The following RPS6KA6 variants were observed in gnomAD, a reference collection of about 807,000 sequenced individuals.
RPS6KA6 encodes ribosomal protein S6 kinase A6, also known as ribosomal protein S6 kinase alpha-6.
Under a neutral mutation model 65.4 loss-of-function variants are expected in RPS6KA6, and 27 were observed. The ratio of observed to expected loss-of-function variants is 0.41; its 90% CI spans 0.30 to 0.57. RPS6KA6 has a LOEUF of 0.57. Ranked by LOEUF, RPS6KA6 falls within the 20% of genes least tolerant of loss-of-function variation. RPS6KA6 has a pLI of 0.24. For synonymous variants in RPS6KA6, 190 were observed against 184.2 expected, an observed-to-expected ratio of 1.03 and a Z score of -0.26; for missense variants, 486 against 555.6, an observed-to-expected ratio of 0.87 and a Z score of 1.26.
intron 20 of RPS6KA6, among the ~76,000 whole-genome samples, chrX:84,072,334 A>G (rs2033562329): frequency 1.8e-5 from 2 of 112,201 alleles, no homozygotes; most frequent in South Asian, 7.3e-4. Context: ...CAGAAAAAGC[A>G]TTTGATAAAA....
At chrX:84,182,092 C>A (rs1451643325) in intron 1 of RPS6KA6, among the ~76,000 whole-genome samples, 2 of 106,548 alleles carry the variant, frequency 1.9e-5, no homozygotes, top group African/African-American at 3.4e-5. Flanking sequence ...CACACACACA[C>A]GTGCACACAA....
At chrX:84,172,544 A>G (rs748230516) in intron 1 of RPS6KA6, among the ~76,000 whole-genome samples, 1 of 112,293 alleles carries the variant, frequency 8.9e-6, no homozygotes, top group Non-Finnish European at 1.9e-5. Flanking sequence ...AGCTGCTATA[A>G]AAAGCAGTAT....
chrX:84,075,093 C>T (rs1004138885), intron 20 of RPS6KA6, among the ~76,000 whole-genome samples: 6 of 110,653 alleles, frequency 5.4e-5, no homozygotes, highest in African/African-American at 2.0e-4. Flanking sequence ...ATTAGCTGGG[C>T]GTGGTGGTGC....
intron 2 of RPS6KA6, among the ~76,000 whole-genome samples, chrX:84,158,250 T>C (rs1307953868): frequency 9.0e-6 from 1 of 111,126 alleles, no homozygotes; most frequent in African/African-American, 3.3e-5. Flanking sequence ...ATAGGGCAAC[T>C]GTGAGATGAT....
chrX:84,066,605 C>T (rs1045159889), intron 20 of RPS6KA6, among the ~76,000 whole-genome samples: 5 of 111,038 alleles, frequency 4.5e-5, no homozygotes, highest in African/African-American at 1.6e-4. Flanking sequence ...AAGGCAGCAG[C>T]CCCAGTCAGG....
intron 3 of RPS6KA6, among the ~76,000 whole-genome samples, chrX:84,149,205 T>C (rs761583774): frequency 4.5e-5 from 5 of 112,072 alleles, no homozygotes; most frequent in African/African-American, 1.6e-4. Flanking sequence ...CCACTTCTAA[T>C]TGTCTTGCTA....
chrX:84,064,733 C>G (rs1156315239), intron 21 of RPS6KA6, among the ~76,000 whole-genome samples: 1 of 111,648 alleles, frequency 9.0e-6, no homozygotes, highest in African/African-American at 3.3e-5. Flanking sequence ...TTAGCCCAAT[C>G]CTAATTCCAG....
intron 1 of RPS6KA6, among the ~76,000 whole-genome samples, chrX:84,179,241 T>C (rs780732144): frequency 2.7e-5 from 3 of 110,743 alleles, no homozygotes; most frequent in East Asian, 2.8e-4. Context: ...AGAATAGCTA[T>C]TTTTTTTCAC....
intron 4 of RPS6KA6, among the ~76,000 whole-genome samples, chrX:84,147,431 C>T (rs911465216): frequency 9.0e-5 from 10 of 110,949 alleles, no homozygotes; most frequent in Admixed American, 4.8e-4. Context: ...CTCAGCTTCC[C>T]GAGCAGCTGG....
At chrX:84,100,980 C>T (rs2038403288) in intron 18 of RPS6KA6, among the ~76,000 whole-genome samples, 1 of 110,116 alleles carries the variant, frequency 9.1e-6, no homozygotes, top group African/African-American at 3.3e-5. Context: ...GACTGATTTA[C>T]ATTAAAATAC....
At chrX:84,074,416 C>CCT (rs2033614262) in intron 20 of RPS6KA6, among the ~76,000 whole-genome samples, 1 of 111,115 alleles carries the variant, frequency 9.0e-6, no homozygotes, top group South Asian at 3.8e-4. Context: ...AAATTATAGA[C>CCT]AGATAGGAGA....
At position 84,064,241 on chromosome X, in the gene RPS6KA6, A is replaced by G; in HGVS notation, c.*36T>C. 1 of 1,191,767 alleles carries G rather than the reference A, an allele frequency of 8.4e-7. No homozygotes were observed. Among genetic ancestry groups the G allele is most frequent in the Non-Finnish European group, 1.1e-6 (1 of 885,409 alleles). On this transcript the variant is annotated 3_prime_UTR_variant, in exon 22 of 22. Coordinates refer to ENST00000262752, the MANE Select transcript of RPS6KA6 (RefSeq NM_014496.5). ...GGAAAAAAGCCACACATTTAATTTC[A>G]TCTTCATCCAGTTTGGCCTAGGAAC...
chrX:84,140,878 G>A (rs1028606767), intron 6 of RPS6KA6, among the ~76,000 whole-genome samples: 2 of 108,948 alleles, frequency 1.8e-5, no homozygotes, highest in Non-Finnish European at 3.8e-5. Flanking sequence ...GACTGAGATA[G>A]CTCCTCTTCC....
intron 3 of RPS6KA6, among the ~76,000 whole-genome samples, chrX:84,151,112 TATATATAGGATATATATAG>T (rs1434833344): frequency 1.0e-5 from 1 of 98,976 alleles, no homozygotes; most frequent in Non-Finnish European, 2.0e-5. Context: ...TATATATAGA[TATATATAGGATATATATAG>T]ATATATAGGA....
At chrX:84,149,099 C>CA (rs775664550) in intron 3 of RPS6KA6, among the ~76,000 whole-genome samples, 1 of 111,713 alleles carries the variant, frequency 9.0e-6, no homozygotes, top group Non-Finnish European at 1.9e-5. Context: ...GATTTCACCT[C>CA]AAAAAAACTA....
chrX:84,113,040 G>A (rs1009763194), intron 12 of RPS6KA6, among the ~76,000 whole-genome samples: 2 of 111,497 alleles, frequency 1.8e-5, no homozygotes, highest in Non-Finnish European at 3.8e-5. Context: ...CTATGAACAT[G>A]TATATACACA....
chrX:84,176,489 T>C (rs1279461499), intron 1 of RPS6KA6, among the ~76,000 whole-genome samples: 5 of 111,973 alleles, frequency 4.5e-5, no homozygotes, highest in Admixed American at 9.5e-5. Context: ...GTTTAAATTG[T>C]CCACTGAGTT....
chrX:84,145,887 A>T (rs976520646), intron 5 of RPS6KA6, among the ~76,000 whole-genome samples: 1 of 111,305 alleles, frequency 9.0e-6, no homozygotes, highest in African/African-American at 3.3e-5. Flanking sequence ...CTGAAGAAAA[A>T]TGCCACTTCC....
At chrX:84,167,426 A>G (rs909996746) in intron 1 of RPS6KA6, among the ~76,000 whole-genome samples, 2 of 112,131 alleles carry the variant, frequency 1.8e-5, no homozygotes, top group Non-Finnish European at 3.8e-5. Flanking sequence ...TGCTAACTGA[A>G]AGAAGCCAAA....
Sources: allele counts gnomAD v4.1 joint callset (sites outside exome capture counted in the v4.1 genomes callset), GRCh38; gene constraint gnomAD v4.1.1; transcripts MANE v1.5; gene names NCBI Gene and HGNC (gene_info 2026-07-23, HGNC 2026-07-21).